Variants in CNTN5 observed in about 807,000 individuals in gnomAD.
The protein encoded by CNTN5 is contactin 5.
In CNTN5, 77 loss-of-function variants were observed where a neutral mutation model predicts 129.1. The ratio of observed to expected loss-of-function variants is 0.60; its 90% CI spans 0.50 to 0.72. The LOEUF is 0.72. CNTN5 is among the 30% of genes least tolerant of loss of function. The probability of loss-of-function intolerance (pLI) is 0.00; values close to 1 mark genes in which losing one functional copy is unlikely to be tolerated. For missense variants in CNTN5, 1,478 were observed against 1,328.8 expected (o/e 1.11, Z -1.75); for synonymous variants, 509 against 465.6 (o/e 1.09, Z -1.20).
At chr11:99,270,899 G>C (rs1045027684) in intron 1 of CNTN5, among the ~76,000 whole-genome samples, 5 of 151,910 alleles carry the variant, frequency 3.3e-5, no homozygotes, top group African/African-American at 1.2e-4. Flanking sequence ...GCATGATTTG[G>C]TAAAAGTTTC....
chr11:100,299,428 A>G (rs761032157), intron 20 of CNTN5, 32 bp downstream of exon 20: 3 of 1,359,452 alleles, frequency 2.2e-6, no homozygotes, highest in South Asian at 1.3e-5. Context: ...ATTTTTATTT[A>G]ACATTTTACT....
chr11:100,171,854 A>C (rs1290793232), intron 13 of CNTN5, among the ~76,000 whole-genome samples: 3 of 152,020 alleles, frequency 2.0e-5, no homozygotes, highest in African/African-American at 7.2e-5. Context: ...AAGAAAAAAA[A>C]ACCTCTAATA....
chr11:99,630,713 C>T (rs938238985), intron 3 of CNTN5, among the ~76,000 whole-genome samples: 1 of 151,588 alleles, frequency 6.6e-6, no homozygotes, highest in African/African-American at 2.4e-5. Flanking sequence ...ACCCTTGGGC[C>T]TCAGTTATTT....
rs1323561037 is a variant in CNTN5 at position 99,190,073 on chromosome 11, TTTG to T, written c.-209-135271_-209-135269del. Among the ~76,000 whole-genome samples, 487 of 151,836 alleles carry T rather than the reference TTTG, an allele frequency of 3.2e-3. 3 individuals carry two copies. Among genetic ancestry groups the T allele is most frequent in the African/African-American group, 0.012 (479 of 41,522 alleles). On this transcript the variant is annotated intron_variant, in intron 1 of 24. Transcript: ENST00000524871. ...GAATTTTAACTTATTTGAGTTGATT[TTTG>T]TATGTAGTATTAGATACTGATCTAA...
intron 10 of CNTN5, among the ~76,000 whole-genome samples, chr11:100,064,119 T>G (rs1394807177): frequency 6.6e-6 from 1 of 152,152 alleles, no homozygotes; most frequent in Non-Finnish European, 1.5e-5. Flanking sequence ...TGAATTACTG[T>G]AGGAAGCTCT....
intron 17 of CNTN5, among the ~76,000 whole-genome samples, chr11:100,265,028 T>C (rs1950274525): frequency 6.6e-6 from 1 of 151,982 alleles, no homozygotes; most frequent in Non-Finnish European, 1.5e-5. Flanking sequence ...CACATAAATG[T>C]CTTTTTTTGA....
intron 3 of CNTN5, among the ~76,000 whole-genome samples, chr11:99,579,628 GTT>G: frequency 4.3e-5 from 6 of 140,520 alleles, no homozygotes; most frequent in Non-Finnish European, 7.7e-5. Flanking sequence ...TTGGCTCTCT[GTT>G]TGTCTGTTAT....
At chr11:99,915,185 A>G (rs1046476300) in intron 6 of CNTN5, among the ~76,000 whole-genome samples, 5 of 152,120 alleles carry the variant, frequency 3.3e-5, no homozygotes, top group Non-Finnish European at 7.4e-5. Context: ...ACCATTTGCA[A>G]TAAAGTAGTC....
chr11:99,429,165 A>G (rs1280945271), intron 2 of CNTN5, among the ~76,000 whole-genome samples: 1 of 152,116 alleles, frequency 6.6e-6, no homozygotes, highest in Admixed American at 6.5e-5. Flanking sequence ...TTTATTAAAG[A>G]TTTGCTTAAG....
intron 20 of CNTN5, among the ~76,000 whole-genome samples, chr11:100,301,599 G>A (rs1030697314): frequency 4.0e-5 from 6 of 151,474 alleles, no homozygotes; most frequent in African/African-American, 1.2e-4. Context: ...TTTGGCATTC[G>A]CTTACTAATT....
Position 100,159,386 on chromosome 11 carries a change from T to C in CNTN5, c.1581-31740T>C, listed in dbSNP as rs146376509. 8.4e-3 allele frequency among the ~76,000 whole-genome samples: 1,276 copies of C among 151,984 alleles called. 19 individuals carry two copies. The highest frequency in any genetic ancestry group is 0.029 in the African/African-American group (1,189 of 41,508). ...TAAATTTGTACTTATTTTTAAAATA[T>C]CTACCATACACCAAAACTGCTCTAT... On this transcript the variant is annotated intron_variant, in intron 13 of 24. Coordinates refer to ENST00000524871, the MANE Select transcript of CNTN5 (RefSeq NM_014361.4).
intron 2 of CNTN5, among the ~76,000 whole-genome samples, chr11:99,428,094 A>G (rs916611722): frequency 5.3e-5 from 8 of 152,144 alleles, no homozygotes; most frequent in Admixed American, 2.6e-4. Flanking sequence ...CCAATAATTT[A>G]CTGTACAAAA....
At chr11:99,241,413 A>T (rs1279642646) in intron 1 of CNTN5, among the ~76,000 whole-genome samples, 1 of 142,250 alleles carries the variant, frequency 7.0e-6, no homozygotes, top group Admixed American at 7.6e-5. Context: ...TCACTCAATG[A>T]TTAGGAACTG....
In CNTN5 at chr11:99,556,225, C is replaced by A. The variant is rs755174208; in HGVS notation, c.11C>A (p.Ser4Tyr). MAS[S>Y]WKLMLFLSVT... ...TTCTAGTGACTGAGGATGGCTTCCT[C>A]TTGGAAACTAATGCTGTTTCTGTCA... Residue 4 changes from serine to tyrosine, a missense_variant, in exon 3 of 25, where the codon TCT (serine) becomes TAT (tyrosine). By Grantham distance (144) the Ser-to-Tyr change is moderately radical (BLOSUM62 -2). Transcript: ENST00000524871. 3 of 1,514,204 alleles carry A rather than the reference C, an allele frequency of 2.0e-6. No homozygotes were observed. The highest frequency in any genetic ancestry group is 2.8e-5 in the African/African-American group (2 of 72,238). The allele number at this position is 1,514,204 out of a possible 1,614,324, so 93.8% of individuals were successfully genotyped here.
intron 1 of CNTN5, among the ~76,000 whole-genome samples, chr11:99,107,539 GTCA>G (rs554972790): frequency 8.7e-4 from 132 of 151,974 alleles, no homozygotes; most frequent in African/African-American, 2.9e-3. Context: ...TAATTCTTGA[GTCA>G]TCATAGGATA....
chr11:99,713,745 G>T (rs902260757), intron 3 of CNTN5, among the ~76,000 whole-genome samples: 12 of 151,836 alleles, frequency 7.9e-5, no homozygotes, highest in African/African-American at 1.2e-4. Context: ...GTTTGAATGT[G>T]GTCAAACCTG....
intron 1 of CNTN5, among the ~76,000 whole-genome samples, chr11:99,126,092 G>A (rs1215175223): frequency 1.3e-5 from 2 of 152,096 alleles, no homozygotes; most frequent in Non-Finnish European, 2.9e-5. Flanking sequence ...CGATTTTGGG[G>A]AGCAATGTTC....
intron 8 of CNTN5, among the ~76,000 whole-genome samples, chr11:99,990,788 C>T (rs962281782): frequency 1.3e-5 from 2 of 152,236 alleles, no homozygotes; most frequent in Non-Finnish European, 2.9e-5. Context: ...AATACTATAA[C>T]ATATTTATTT....
intron 1 of CNTN5, among the ~76,000 whole-genome samples, chr11:99,262,384 T>C (rs1347981833): frequency 6.6e-6 from 1 of 152,118 alleles, no homozygotes; most frequent in Non-Finnish European, 1.5e-5. Context: ...ATGATAATTA[T>C]TATGATAGTA....
Sources: allele counts gnomAD v4.1 joint callset (sites outside exome capture counted in the v4.1 genomes callset), GRCh38; gene constraint gnomAD v4.1.1; transcripts MANE v1.5; gene names NCBI Gene and HGNC (gene_info 2026-07-23, HGNC 2026-07-21).